ULK4: variants seen among roughly 807,000 people sequenced by gnomAD.
The protein encoded by ULK4 is unc-51 like kinase 4.
A neutral mutation model predicts 160.6 loss-of-function variants in ULK4; 133 were observed. The observed-to-expected ratio is 0.83, with a 90% CI of 0.72 to 0.96. The LOEUF (loss-of-function observed/expected upper bound fraction) is 0.96. Among genes scored for constraint, ULK4 ranks in the 40% least tolerant of loss-of-function variants. The pLI is 0.00. For missense variants in ULK4, 1,580 were observed against 1,499.5 expected (o/e 1.05, Z -0.89); for synonymous variants, 534 against 539.8 (o/e 0.99, Z 0.15).
chr3:41,654,788 A>C (rs2034869412), intron 30 of ULK4, among the ~76,000 whole-genome samples: 2 of 152,214 alleles, frequency 1.3e-5, no homozygotes, highest in African/African-American at 2.4e-5. Flanking sequence ...AAAAAGAAGA[A>C]AGGGCAAGTT....
intron 17 of ULK4, among the ~76,000 whole-genome samples, chr3:41,866,263 T>C (rs1183408498): frequency 2.0e-5 from 3 of 152,198 alleles, no homozygotes; most frequent in Non-Finnish European, 4.4e-5. Flanking sequence ...TTGCTTGTCT[T>C]GTACCTTCTC....
At chr3:41,540,791 G>A (rs1294837840) in intron 32 of ULK4, among the ~76,000 whole-genome samples, 1 of 152,006 alleles carries the variant, frequency 6.6e-6, no homozygotes, top group Non-Finnish European at 1.5e-5. Context: ...TGACCAGTAA[G>A]ATAAGCTTTT....
chr3:41,803,171 C>CAAAAAAAA lies in ULK4; in HGVS notation c.1849-2886_1849-2879dup, dbSNP rs60309572. Among the ~76,000 whole-genome samples the CAAAAAAAA allele has an allele frequency of 9.7e-4, 132 of 136,074 alleles. 1 individual carries two copies. The highest frequency in any genetic ancestry group is 3.3e-3 in the African/African-American group (116 of 35,136). 89.3% of individuals were successfully genotyped at this position (136,074 alleles called of 152,430 possible). ...GGGCTTACAGAGCAAGACTCCATCT[C>CAAAAAAAA]AAAAAAAAAAAGATTTGTAATAATA... is the stretch of plus-strand genomic sequence containing the variant. On this transcript the variant is annotated intron_variant, in intron 19 of 36. Transcript: ENST00000301831.
chr3:41,639,790 G>A (rs2034109944), intron 30 of ULK4, among the ~76,000 whole-genome samples: 1 of 152,042 alleles, frequency 6.6e-6, no homozygotes, highest in Admixed American at 6.6e-5. Context: ...CTGGTCTAAG[G>A]CAACTGTCAT....
intron 30 of ULK4, among the ~76,000 whole-genome samples, chr3:41,631,413 C>T (rs2033736729): frequency 6.6e-6 from 1 of 152,128 alleles, no homozygotes; most frequent in Admixed American, 6.5e-5. Flanking sequence ...ATAAGACTGA[C>T]TGCTTAATTT....
intron 17 of ULK4, among the ~76,000 whole-genome samples, chr3:41,857,809 G>T (rs1309730030): frequency 6.6e-6 from 1 of 152,098 alleles, no homozygotes; most frequent in African/African-American, 2.4e-5. Context: ...TAGTTGTAAT[G>T]TGTCCTTTTT....
intron 17 of ULK4, among the ~76,000 whole-genome samples, chr3:41,883,632 AATG>A (rs1458882181): frequency 5.3e-4 from 80 of 152,232 alleles, no homozygotes; most frequent in Non-Finnish European, 1.5e-5. Context: ...CAAATGAAAT[AATG>A]ATGAGTAGAG....
At chr3:41,487,687 C>T (rs1575295138) in intron 32 of ULK4, among the ~76,000 whole-genome samples, 1 of 152,114 alleles carries the variant, frequency 6.6e-6, no homozygotes. Context: ...AAAAACAAAT[C>T]CCAGCCAGAA....
At chr3:41,734,647 G>A (rs1010651254) in intron 22 of ULK4, among the ~76,000 whole-genome samples, 1 of 152,170 alleles carries the variant, frequency 6.6e-6, no homozygotes, top group African/African-American at 2.4e-5. Context: ...GAGGTGGGAA[G>A]AAAGCAAGGA....
chr3:41,505,289 C>G (rs1366415038), intron 32 of ULK4, among the ~76,000 whole-genome samples: 1 of 152,128 alleles, frequency 6.6e-6, no homozygotes, highest in African/African-American at 2.4e-5. Flanking sequence ...CTTCCAGACC[C>G]TCCCTGAAAA....
intron 35 of ULK4, among the ~76,000 whole-genome samples, chr3:41,391,227 A>AGT (rs1353430601): frequency 6.6e-6 from 1 of 152,090 alleles, no homozygotes; most frequent in Non-Finnish European, 1.5e-5. Context: ...ACTACAAATG[A>AGT]GTGTGTATGG....
At chr3:41,493,399 T>C (rs1431711669) in intron 32 of ULK4, among the ~76,000 whole-genome samples, 7 of 135,884 alleles carry the variant, frequency 5.2e-5, no homozygotes, top group Non-Finnish European at 9.7e-5. Context: ...AGACACAACA[T>C]ACCAGAATCT....
At chr3:41,391,102 G>A (rs71331162) in intron 35 of ULK4, among the ~76,000 whole-genome samples, 8,177 of 151,952 alleles carry the variant, frequency 0.054, 315 homozygotes, top group Non-Finnish European at 0.087. Flanking sequence ...TATCGTCCAG[G>A]TCCATTCATG....
At chr3:41,633,909 G>A (rs2033848385) in intron 30 of ULK4, among the ~76,000 whole-genome samples, 1 of 152,078 alleles carries the variant, frequency 6.6e-6, no homozygotes, top group African/African-American at 2.4e-5. Context: ...CCTGTGCAAT[G>A]ATGCACAGTG....
At chr3:41,771,249 T>C (rs1331357215) in intron 21 of ULK4, among the ~76,000 whole-genome samples, 1 of 152,206 alleles carries the variant, frequency 6.6e-6, no homozygotes, top group Non-Finnish European at 1.5e-5. Flanking sequence ...CAAAAGTTAA[T>C]TAGTTTAATA....
At chr3:41,899,814 A>G (rs1216804430) in intron 13 of ULK4, among the ~76,000 whole-genome samples, 3 of 152,238 alleles carry the variant, frequency 2.0e-5, no homozygotes, top group Non-Finnish European at 4.4e-5. Context: ...TGCCAGACAT[A>G]TGAACTCACA....
At chr3:41,487,900 T>C (rs537948397) in intron 32 of ULK4, among the ~76,000 whole-genome samples, 2 of 152,308 alleles carry the variant, frequency 1.3e-5, no homozygotes, top group South Asian at 4.2e-4. Context: ...TAGTGATTCT[T>C]ACAAATCACT....
intron 30 of ULK4, among the ~76,000 whole-genome samples, chr3:41,619,562 A>G (rs1164065282): frequency 1.3e-5 from 2 of 152,192 alleles, no homozygotes; most frequent in Non-Finnish European, 2.9e-5. Context: ...GTTATTTGAG[A>G]CCAATGAAAA....
Position 41,646,021 on chromosome 3 carries a change from C to CT in ULK4, c.3071+17585dup, listed in dbSNP as rs561273288. On this transcript the variant is annotated intron_variant, in intron 30 of 36. Coordinates refer to ENST00000301831, the MANE Select transcript of ULK4 (RefSeq NM_017886.4). ...CAGAGACTAGGATTGCAACCCCTGC[C>CT]TTTTTTTGTTTTCCATTTGCCTGGT... Among the ~76,000 whole-genome samples the CT allele has an allele frequency of 4.4e-3, 672 of 152,102 alleles. 3 individuals are homozygous for CT. The highest frequency in any genetic ancestry group is 5.3e-3 in the Non-Finnish European group (357 of 67,972).
Sources: allele counts gnomAD v4.1 joint callset (sites outside exome capture counted in the v4.1 genomes callset), GRCh38; gene constraint gnomAD v4.1.1; transcripts MANE v1.5; gene names NCBI Gene and HGNC (gene_info 2026-07-23, HGNC 2026-07-21).